The following ADAMTSL1 variants were observed in gnomAD, a reference collection of about 807,000 sequenced individuals.
ADAMTSL1 encodes ADAMTS-like protein 1.
In ADAMTSL1, 126 loss-of-function variants were observed where a neutral mutation model predicts 201.8. The ratio of observed to expected loss-of-function variants is 0.62; its 90% CI spans 0.54 to 0.72. The LOEUF is 0.72. ADAMTSL1 is among the 30% of genes least tolerant of loss of function. The pLI is 0.00. For synonymous variants in ADAMTSL1, 1,121 were observed against 903.4 expected, an observed-to-expected ratio of 1.24 and a Z score of -4.32; for missense variants, 2,679 against 2,277.8, an observed-to-expected ratio of 1.18 and a Z score of -3.59.
At chr9:18,676,322 C>G (rs1463761456) in intron 10 of ADAMTSL1, among the ~76,000 whole-genome samples, 1 of 151,996 alleles carries the variant, frequency 6.6e-6, no homozygotes, top group Non-Finnish European at 1.5e-5. Context: ...ACATGGAATT[C>G]CAGATGTGAT....
At chr9:17,987,239 G>A (rs977601830) in intron 1 of ADAMTSL1, among the ~76,000 whole-genome samples, 2 of 152,148 alleles carry the variant, frequency 1.3e-5, no homozygotes, top group African/African-American at 2.4e-5. Context: ...TATTACTATC[G>A]TAGTGTTCAC....
Position 18,502,781 on chromosome 9 carries a change from A to T in ADAMTSL1, c.64-2048A>T, listed in dbSNP as rs143115234. 1.8e-3 allele frequency among the ~76,000 whole-genome samples: 274 copies of T among 152,242 alleles called. 1 individual carries two copies. The highest frequency in any genetic ancestry group is 6.3e-3 in the African/African-American group (263 of 41,528). ...AGAGGCTGCAAGGTCGTACTGTGGG[A>T]AAGTCAGGGATTTCAGGGAGATGAT... On this transcript the variant is annotated intron_variant, in intron 1 of 28. Coordinates refer to ENST00000380548, the MANE Select transcript of ADAMTSL1 (RefSeq NM_001040272.6).
intron 4 of ADAMTSL1, among the ~76,000 whole-genome samples, chr9:18,596,280 CA>C (rs1181791895): frequency 6.6e-6 from 1 of 152,076 alleles, no homozygotes; most frequent in Non-Finnish European, 1.5e-5. Flanking sequence ...GAGATTCAAA[CA>C]AAAATAACTA....
At chr9:18,675,540 T>C (rs1431267598) in intron 9 of ADAMTSL1, among the ~76,000 whole-genome samples, 2 of 152,104 alleles carry the variant, frequency 1.3e-5, no homozygotes, top group Admixed American at 6.6e-5. Flanking sequence ...AATTTGGGGA[T>C]TAAAGAACAT....
intron 1 of ADAMTSL1, among the ~76,000 whole-genome samples, chr9:17,945,427 A>G (rs1417643243): frequency 6.9e-6 from 1 of 144,494 alleles, no homozygotes; most frequent in Non-Finnish European, 1.5e-5. Context: ...AGGGATCTAG[A>G]ACTAGAAATA....
At chr9:18,204,898 C>A (rs1228123909) in intron 2 of ADAMTSL1, among the ~76,000 whole-genome samples, 1 of 152,122 alleles carries the variant, frequency 6.6e-6, no homozygotes, top group South Asian at 2.1e-4. Context: ...TCATTTATAT[C>A]CACTGTATTA....
intron 1 of ADAMTSL1, among the ~76,000 whole-genome samples, chr9:18,100,690 C>G (rs1054887707): frequency 2.6e-5 from 4 of 151,402 alleles, no homozygotes; most frequent in African/African-American, 9.7e-5. Flanking sequence ...AGTGTGGATC[C>G]CTGACCTAGA....
chr9:17,947,656 A>G (rs1432504511), intron 1 of ADAMTSL1, among the ~76,000 whole-genome samples: 1 of 152,172 alleles, frequency 6.6e-6, no homozygotes, highest in Non-Finnish European at 1.5e-5. Context: ...TGAATGAGCA[A>G]GCAAATGATT....
chr9:18,070,176 A>G (rs906636800), intron 1 of ADAMTSL1, among the ~76,000 whole-genome samples: 3 of 152,242 alleles, frequency 2.0e-5, no homozygotes, highest in African/African-American at 7.2e-5. Flanking sequence ...AAGCATTCAA[A>G]GAACCAGAAT....
intron 1 of ADAMTSL1, among the ~76,000 whole-genome samples, chr9:18,088,995 C>T (rs563621773): frequency 6.6e-6 from 1 of 152,182 alleles, no homozygotes; most frequent in South Asian, 2.1e-4. Context: ...AAATGTCTAT[C>T]AACAGATGAA....
intron 2 of ADAMTSL1, among the ~76,000 whole-genome samples, chr9:18,283,933 A>AAAAAAAAAAAAAAAAAT (rs1832894769): frequency 7.6e-6 from 1 of 132,400 alleles, no homozygotes; most frequent in African/African-American, 2.7e-5. Context: ...AAAAAAAAGA[A>AAAAAAAAAAAAAAAAAT]GAAGAAGAAG....
At chr9:17,963,305 C>T (rs948675959) in intron 1 of ADAMTSL1, among the ~76,000 whole-genome samples, 6 of 151,922 alleles carry the variant, frequency 3.9e-5, no homozygotes, top group African/African-American at 1.4e-4. Context: ...CCTATTTATC[C>T]CTTTATATGG....
chr9:18,451,759 G>A (rs758184937), intron 2 of ADAMTSL1, among the ~76,000 whole-genome samples: 6 of 152,200 alleles, frequency 3.9e-5, no homozygotes, highest in Non-Finnish European at 8.8e-5. Flanking sequence ...TACAGGCTAC[G>A]TAATTTACAA....
intron 9 of ADAMTSL1, among the ~76,000 whole-genome samples, chr9:18,673,224 C>T (rs1340210389): frequency 3.3e-5 from 5 of 151,816 alleles, no homozygotes; most frequent in Admixed American, 6.6e-5. Flanking sequence ...CTTTATGATT[C>T]ACACTTTGCT....
intron 26 of ADAMTSL1, among the ~76,000 whole-genome samples, chr9:18,893,384 TAACAGAGAGAA>T (rs1034901790): frequency 6.6e-6 from 1 of 152,194 alleles, no homozygotes; most frequent in Admixed American, 6.5e-5. Flanking sequence ...TTATGTTTCC[TAACAGAGAGAA>T]AAATACATAG....
intron 15 of ADAMTSL1, among the ~76,000 whole-genome samples, chr9:18,743,503 G>A (rs976085980): frequency 6.6e-6 from 1 of 152,090 alleles, no homozygotes; most frequent in Non-Finnish European, 1.5e-5. Context: ...TTTTAGAGAT[G>A]ACTTAGAAGG....
At position 18,467,310 on chromosome 9, in the gene ADAMTSL1, A is replaced by T. The variant is rs1231290103; in HGVS notation, c.208-37519A>T. Among the ~76,000 whole-genome samples, 7 of 152,226 alleles carry T rather than the reference A, an allele frequency of 4.6e-5. No homozygotes were observed. The South Asian group carries it at 8.3e-4, about 18-fold the overall frequency. On this transcript the variant is annotated intron_variant, in intron 2 of 29. Transcript: ENST00000680146. ...TAAACAATTAAATATTAAAATGCCA[A>T]ATTAAAAAATAGAAAAACGTTTGCC...
At chr9:18,170,362 T>A (rs1052482386) in intron 2 of ADAMTSL1, among the ~76,000 whole-genome samples, 21 of 151,986 alleles carry the variant, frequency 1.4e-4, no homozygotes, top group Non-Finnish European at 2.2e-4. Context: ...CAGAACAACC[T>A]GAGGTAGGAA....
intron 13 of ADAMTSL1, among the ~76,000 whole-genome samples, chr9:18,703,711 T>C (rs1458476531): frequency 3.8e-5 from 3 of 78,434 alleles, no homozygotes; most frequent in Admixed American, 1.5e-4. Context: ...CATATATATA[T>C]ATATATATAT....
Sources: allele counts gnomAD v4.1 joint callset (sites outside exome capture counted in the v4.1 genomes callset), GRCh38; gene constraint gnomAD v4.1.1; transcripts MANE v1.5; gene names NCBI Gene and HGNC (gene_info 2026-07-23, HGNC 2026-07-21).